The following PRKCA variants were observed in gnomAD, a reference collection of about 807,000 sequenced individuals.
PRKCA encodes the protein protein kinase C alpha.
In PRKCA, 27 loss-of-function variants were observed where a neutral mutation model predicts 87.0. The ratio of observed to expected loss-of-function variants is 0.31; its 90% confidence interval spans 0.23 to 0.43. The LOEUF is 0.43. PRKCA is among the 20% of genes least tolerant of loss of function. PRKCA has a pLI of 1.00. For synonymous variants in PRKCA, 329 were observed against 311.1 expected, an observed-to-expected ratio of 1.06 and a Z score of -0.61; for missense variants, 518 against 852.3, an observed-to-expected ratio of 0.61 and a Z score of 4.88.
At chr17:66,604,544 A>T (rs184604103) in intron 3 of PRKCA, among the ~76,000 whole-genome samples, 9 of 152,328 alleles carry the variant, frequency 5.9e-5, no homozygotes, top group African/African-American at 2.2e-4. Flanking sequence ...TGGTTTGCTG[A>T]ATTCATTTTG....
chr17:66,645,640 G>A, intron 5 of PRKCA, 129 bp downstream of exon 5: 9 of 1,352,098 alleles, frequency 6.7e-6, no homozygotes, highest in Non-Finnish European at 9.2e-6. Context: ...CCCTGGTGGA[G>A]CCATCACTGT....
At chr17:66,444,320 C>A (rs1239978945) in intron 2 of PRKCA, among the ~76,000 whole-genome samples, 1 of 152,152 alleles carries the variant, frequency 6.6e-6, no homozygotes, top group Non-Finnish European at 1.5e-5. Flanking sequence ...CTCATGGAAT[C>A]CCAGATGTGT....
At chr17:66,583,544 T>C (rs902440542) in intron 3 of PRKCA, among the ~76,000 whole-genome samples, 1 of 151,574 alleles carries the variant, frequency 6.6e-6, no homozygotes, top group African/African-American at 2.4e-5. Context: ...CTCTCACATA[T>C]CTTTGATGGA....
At chr17:66,639,998 AAAT>A (rs146803037) in intron 3 of PRKCA, among the ~76,000 whole-genome samples, 14,875 of 151,918 alleles carry the variant, frequency 0.098, 772 homozygotes, top group Middle Eastern at 0.18. Flanking sequence ...CTGTCTCAAA[AAAT>A]AATAATAATA....
chr17:66,724,751 C>G (rs1973702230), intron 8 of PRKCA, among the ~76,000 whole-genome samples: 1 of 152,226 alleles, frequency 6.6e-6, no homozygotes, highest in South Asian at 2.1e-4. Context: ...TCTGAAATCT[C>G]TGCAGTTAGG....
chr17:66,413,019 C>A (rs1911907674), intron 2 of PRKCA, among the ~76,000 whole-genome samples: 1 of 152,042 alleles, frequency 6.6e-6, no homozygotes, highest in Non-Finnish European at 1.5e-5. Flanking sequence ...CCAGCAGACA[C>A]CAGCTGTGTA....
intron 2 of PRKCA, among the ~76,000 whole-genome samples, chr17:66,368,348 GTGTGTGTGTGTA>G (rs1352730145): frequency 8.4e-6 from 1 of 119,408 alleles, no homozygotes; most frequent in Non-Finnish European, 1.7e-5. Flanking sequence ...ATGTGTGTGT[GTGTGTGTGTGTA>G]TATGTATATA....
chr17:66,789,219 C>T (rs1975474347), intron 16 of PRKCA, among the ~76,000 whole-genome samples: 1 of 152,228 alleles, frequency 6.6e-6, no homozygotes, highest in Admixed American at 6.5e-5. Flanking sequence ...CTTCATCCTC[C>T]AGCTGGACAG....
At chr17:66,758,661 T>C (rs1180097085) in intron 13 of PRKCA, among the ~76,000 whole-genome samples, 1 of 152,214 alleles carries the variant, frequency 6.6e-6, no homozygotes, top group Non-Finnish European at 1.5e-5. Context: ...TCATGTTCTA[T>C]CTTAACCACC....
intron 5 of PRKCA, among the ~76,000 whole-genome samples, chr17:66,667,336 AC>A (rs1210946483): frequency 6.6e-6 from 1 of 152,190 alleles, no homozygotes; most frequent in African/African-American, 2.4e-5. Context: ...CATACCTGAG[AC>A]TGGGTAATTT....
chr17:66,307,957 T>C (rs1276853065), intron 2 of PRKCA, among the ~76,000 whole-genome samples: 1 of 152,312 alleles, frequency 6.6e-6, no homozygotes, highest in East Asian at 1.9e-4. Context: ...TATACGACTT[T>C]GCAACTTGCT....
chr17:66,789,662 C>G (rs1420603048), intron 16 of PRKCA, among the ~76,000 whole-genome samples: 1 of 152,188 alleles, frequency 6.6e-6, no homozygotes, highest in Non-Finnish European at 1.5e-5. Context: ...CCCCAGTTTG[C>G]AGTGGAGGAA....
intron 3 of PRKCA, among the ~76,000 whole-genome samples, chr17:66,551,788 TGA>T (rs990927313): frequency 3.4e-4 from 51 of 152,124 alleles, no homozygotes; most frequent in Admixed American, 9.2e-4. Flanking sequence ...TATATATATA[TGA>T]GAGAGAGAGG....
Position 66,302,874 on chromosome 17 carries a change from A to C in PRKCA, c.23A>C (p.Asn8Thr). 6 of 1,599,990 alleles carry C rather than the reference A, an allele frequency of 3.8e-6. No homozygotes were observed. The highest frequency in any genetic ancestry group is 5.1e-6 in the Non-Finnish European group (6 of 1,172,336). MADVFPG[N>T]DSTASQDVAN... ...ACCATGGCTGACGTTTTCCCGGGCA[A>C]CGACTCCACGGCGTCTCAGGACGTG... The change falls in exon 1 of 17, where the codon AAC becomes ACC. Residue 8 changes from asparagine (N) to threonine (T), a missense_variant. Physicochemically the swap from Asn to Thr is moderately conservative, Grantham distance 65 (BLOSUM62 0). This residue lies in a region of PRKCA where 33 missense variants were observed against 34.1 expected (regional missense o/e 0.97). Transcript: ENST00000413366.
At chr17:66,454,224 C>T (rs1164155629) in intron 2 of PRKCA, among the ~76,000 whole-genome samples, 7 of 152,180 alleles carry the variant, frequency 4.6e-5, no homozygotes, top group Non-Finnish European at 7.3e-5. Flanking sequence ...GGTGCTAAGG[C>T]CCTGTGGACT....
At chr17:66,726,881 C>T (rs971427071) in intron 8 of PRKCA, among the ~76,000 whole-genome samples, 5 of 152,114 alleles carry the variant, frequency 3.3e-5, no homozygotes. Flanking sequence ...CCCACCACCA[C>T]GTTGGCTAAT....
chr17:66,463,093 T>G (rs991452274), intron 2 of PRKCA, among the ~76,000 whole-genome samples: 1 of 152,202 alleles, frequency 6.6e-6, no homozygotes, highest in Non-Finnish European at 1.5e-5. Flanking sequence ...TACTCTCCTG[T>G]GGCAGCCTTA....
At chr17:66,787,100 G>A (rs760158982) in intron 15 of PRKCA, 126 bp downstream of exon 15, 18 of 838,410 alleles carry the variant, frequency 2.1e-5, no homozygotes, top group African/African-American at 1.5e-4. Flanking sequence ...TTTGGCCATC[G>A]AGGGTTGGGG....
chr17:66,529,981 C>CT lies in PRKCA; in HGVS notation c.288+33699dup, dbSNP rs571794185. On this transcript the variant is annotated intron_variant, in intron 3 of 16. Coordinates refer to ENST00000413366, the MANE Select transcript of PRKCA (RefSeq NM_002737.3). ...GATCTGCGACATGCAATAAGGAAAA[C>CT]TGAGTCAGGGAGGAAGTAGGATTCC... is the stretch of plus-strand genomic sequence containing the variant. Among the ~76,000 whole-genome samples, 18 of 152,288 alleles carry CT rather than the reference C, an allele frequency of 1.2e-4. No homozygotes were observed. The East Asian group carries it at 3.5e-3, about 29-fold the overall frequency.
Sources: allele counts gnomAD v4.1 joint callset (sites outside exome capture counted in the v4.1 genomes callset), GRCh38; gene constraint gnomAD v4.1.1; regional missense constraint gnomAD v4.1.1; transcripts MANE v1.5; gene names NCBI Gene and HGNC (gene_info 2026-07-23, HGNC 2026-07-21).